Variants in GRIK4 observed in about 807,000 individuals in gnomAD.
The protein encoded by GRIK4 is glutamate ionotropic receptor kainate type subunit 4.
GRIK4 carries 40 observed loss-of-function variants against 104.9 expected under a neutral mutation model. That is an observed-to-expected ratio of 0.38 (90% CI 0.30 to 0.50). GRIK4 has a LOEUF of 0.50. GRIK4 is among the 20% of genes least tolerant of loss of function. The pLI, the probability that GRIK4 is intolerant of heterozygous loss-of-function variation, is 0.93. For synonymous variants in GRIK4, 485 were observed against 524.9 expected, an observed-to-expected ratio of 0.92 and a Z score of 1.04; for missense variants, 1,047 against 1,308.1, an observed-to-expected ratio of 0.80 and a Z score of 3.08.
At chr11:120,766,914 A>AAT (rs1272772915) in intron 3 of GRIK4, among the ~76,000 whole-genome samples, 2 of 151,966 alleles carry the variant, frequency 1.3e-5, no homozygotes, top group African/African-American at 4.8e-5. Context: ...CTTGCCCAGG[A>AAT]ATCCGTGTAT....
chr11:120,712,179 G>A (rs1241586781), intron 3 of GRIK4, among the ~76,000 whole-genome samples: 2 of 152,216 alleles, frequency 1.3e-5, no homozygotes, highest in African/African-American at 2.4e-5. Context: ...GGGTGCAGGG[G>A]CACCCAGCCT....
intron 13 of GRIK4, among the ~76,000 whole-genome samples, chr11:120,923,741 A>G (rs1356938136): frequency 6.6e-6 from 1 of 151,970 alleles, no homozygotes; most frequent in Non-Finnish European, 1.5e-5. Context: ...CTCAGAATAA[A>G]CCCGTGAAGC....
chr11:120,662,095 G>A (rs1399005893), intron 3 of GRIK4, among the ~76,000 whole-genome samples: 1 of 152,226 alleles, frequency 6.6e-6, no homozygotes, highest in Admixed American at 6.5e-5. Context: ...AGAATCAGTA[G>A]CACCTCATGG....
At chr11:120,932,424 T>A (rs928391356) in intron 13 of GRIK4, among the ~76,000 whole-genome samples, 2 of 152,030 alleles carry the variant, frequency 1.3e-5, no homozygotes, top group Non-Finnish European at 2.9e-5. Flanking sequence ...AGCCCCATGT[T>A]ACTCTCGGCC....
At chr11:120,951,481 C>T (rs894148290) in intron 14 of GRIK4, among the ~76,000 whole-genome samples, 3 of 152,212 alleles carry the variant, frequency 2.0e-5, no homozygotes, top group Non-Finnish European at 4.4e-5. Context: ...AATGACATGC[C>T]TTGATAGTGA....
chr11:120,622,144 A>T (rs4935743), intron 1 of GRIK4, among the ~76,000 whole-genome samples: 39,546 of 151,890 alleles, frequency 0.26, 5,713 homozygotes, highest in Non-Finnish European at 0.31. Context: ...CAGGTGATCC[A>T]CCCACCTCGG....
rs771050697 is a variant in GRIK4 at position 120,815,371 on chromosome 11, G to A, written c.248-7G>A. On this transcript the variant is annotated splice_polypyrimidine_tract_variant and splice_region_variant and intron_variant, in intron 4 of 20. Coordinates refer to ENST00000527524, the MANE Select transcript of GRIK4 (RefSeq NM_014619.5). ...GCTTCTTTCCCTGTCCCTGCCGCTG[G>A]CTGCAGTGTGTCAGATCCTCCCCAA... 32 of 1,516,882 alleles carry A rather than the reference G, an allele frequency of 2.1e-5. No homozygotes were observed. Among genetic ancestry groups the A allele is most frequent in the Non-Finnish European group, 2.9e-5 (32 of 1,116,646 alleles). The allele number at this position is 1,516,882 out of a possible 1,614,324, so 94.0% of individuals were successfully genotyped here.
chr11:120,730,159 G>A lies in GRIK4; in HGVS notation c.82+69759G>A, dbSNP rs371419411. ...CACTTGAGCTCAGGAGTTCAGGACC[G>A]GTCTGGGCAATACGGCAAAACCCTG... On this transcript the variant is annotated intron_variant, in intron 3 of 20. Coordinates refer to ENST00000527524, the MANE Select transcript of GRIK4 (RefSeq NM_014619.5). 4.6e-5 allele frequency among the ~76,000 whole-genome samples: 7 copies of A among 152,102 alleles called. No individual in the cohort carries two copies. In the South Asian group the frequency reaches 6.2e-4, roughly 14 times the overall value.
At chr11:120,571,018 C>A (rs779467037) in intron 1 of GRIK4, among the ~76,000 whole-genome samples, 1 of 152,148 alleles carries the variant, frequency 6.6e-6, no homozygotes, top group Non-Finnish European at 1.5e-5. Context: ...TCCACAAGGT[C>A]ACTCTCTCCA....
chr11:120,952,312 CT>C lies in GRIK4; in HGVS notation c.1591-541del, dbSNP rs1738467368. On this transcript the variant is annotated intron_variant, in intron 14 of 20. Coordinates refer to ENST00000527524, the MANE Select transcript of GRIK4 (RefSeq NM_014619.5). This position sits in a 1 kb window ranked among gnomAD's most constrained non-coding sequence, Gnocchi z 5.2. ...ACTGCCCTCGGCTTTGGCTTCTTCA[CT>C]TGTAAAATGAGAATAATAATTTGTG... Among the ~76,000 whole-genome samples the C allele has an allele frequency of 7.2e-5, 11 of 152,164 alleles. No homozygotes were observed. Among genetic ancestry groups the C allele is most frequent in the Admixed American group, 5.9e-4 (9 of 15,276 alleles).
chr11:120,823,968 A>T (rs1953189345), intron 6 of GRIK4, among the ~76,000 whole-genome samples: 1 of 152,214 alleles, frequency 6.6e-6, no homozygotes, highest in Non-Finnish European at 1.5e-5. Flanking sequence ...AAGGGATGAG[A>T]AAATGAGGGA....
chr11:120,973,092 G>A (rs1053455721), intron 19 of GRIK4, among the ~76,000 whole-genome samples: 1 of 152,160 alleles, frequency 6.6e-6, no homozygotes, highest in African/African-American at 2.4e-5. Context: ...GGATTTAAGT[G>A]AATTTAAACA....
At chr11:120,841,154 T>C (rs1953703438) in intron 8 of GRIK4, among the ~76,000 whole-genome samples, 1 of 152,198 alleles carries the variant, frequency 6.6e-6, no homozygotes, top group South Asian at 2.1e-4. Flanking sequence ...TAAGTACACT[T>C]TTCAGTGGCA....
chr11:120,771,272 T>C (rs1250519314), intron 3 of GRIK4, among the ~76,000 whole-genome samples: 1 of 152,134 alleles, frequency 6.6e-6, no homozygotes, highest in Non-Finnish European at 1.5e-5. Context: ...CCCAATGAAA[T>C]TTCAGGCAGA....
At position 120,832,049 on chromosome 11, in the gene GRIK4, C is replaced by A; in HGVS notation, c.690+19C>A. ...CCTGAAGGTGGGAGCCTCCCTCTCT[C>A]CCCCACCCCCTGCTGAGCTCCACCC... On this transcript the variant is annotated intron_variant, in intron 7 of 20. Transcript: ENST00000527524. 6.4e-7 allele frequency: 1 copy of A among 1,565,116 alleles called. No individual in the cohort carries two copies. Among genetic ancestry groups the A allele is most frequent in the Non-Finnish European group, 8.7e-7 (1 of 1,143,752 alleles).
At chr11:120,594,271 A>C (rs1948772599) in intron 1 of GRIK4, among the ~76,000 whole-genome samples, 1 of 152,178 alleles carries the variant, frequency 6.6e-6, no homozygotes, top group Non-Finnish European at 1.5e-5. Context: ...TGAACCTAGG[A>C]GTTGAAGACC....
At chr11:120,891,641 C>T (rs1332426301) in intron 11 of GRIK4, among the ~76,000 whole-genome samples, 3 of 152,148 alleles carry the variant, frequency 2.0e-5, no homozygotes, top group Non-Finnish European at 4.4e-5. Flanking sequence ...GTGCCAGGCT[C>T]TAGGGATAAA....
chr11:120,908,208 G>A (rs2134517669), intron 13 of GRIK4, among the ~76,000 whole-genome samples: 1 of 152,314 alleles, frequency 6.6e-6, no homozygotes, highest in South Asian at 2.1e-4. Context: ...CAGCTAGTAA[G>A]TTCAGAGCCA....
At chr11:120,577,580 A>G (rs1462118356) in intron 1 of GRIK4, among the ~76,000 whole-genome samples, 1 of 152,082 alleles carries the variant, frequency 6.6e-6, no homozygotes. Context: ...TTAAGATTTA[A>G]TGGGACATTT....
Sources: allele counts gnomAD v4.1 joint callset (sites outside exome capture counted in the v4.1 genomes callset), GRCh38; gene constraint gnomAD v4.1.1; non-coding constraint Gnocchi (gnomAD v3.1); transcripts MANE v1.5; gene names NCBI Gene and HGNC (gene_info 2026-07-23, HGNC 2026-07-21).